SPRR2G: variants seen among roughly 807,000 people sequenced by gnomAD.
The protein encoded by SPRR2G is small proline rich protein 2G, also known as small proline-rich protein 2G.
In SPRR2G, 1 loss-of-function variant was observed where a neutral mutation model predicts 0.7. The observed-to-expected ratio is 1.49, with a 90% CI of 0.53 to 7.06. SPRR2G has a LOEUF of 7.06. SPRR2G is among the 30% of genes most tolerant of loss of function. The probability of loss-of-function intolerance (pLI) is 0.14; values close to 1 mark genes in which losing one functional copy is unlikely to be tolerated. For missense variants in SPRR2G, 96 were observed against 88.5 expected, an observed-to-expected ratio of 1.09 and a Z score of -0.34; for synonymous variants, 38 against 33.9, an observed-to-expected ratio of 1.12 and a Z score of -0.42.
the SPRR2G span, among the ~76,000 whole-genome samples, chr1:153,169,236 A>G: frequency 1.0e-3 from 157 of 152,084 alleles, no homozygotes; most frequent in African/African-American, 3.4e-3. Context: ...TTGCCTTTGA[A>G]CACAACAGTA....
chr1:153,152,402 C>G (rs1656490745), upstream of SPRR2G, among the ~76,000 whole-genome samples: 1 of 152,104 alleles, frequency 6.6e-6, no homozygotes, highest in Non-Finnish European at 1.5e-5. Flanking sequence ...TTGCCTTGTG[C>G]TCTTTACCCA....
At chr1:153,189,531 A>C in the SPRR2G span, among the ~76,000 whole-genome samples, 8 of 152,152 alleles carry the variant, frequency 5.3e-5, no homozygotes, top group Admixed American at 3.9e-4. Flanking sequence ...TACTTCATAG[A>C]ACCATAGAAA....
chr1:153,162,547 A>T, the SPRR2G span, among the ~76,000 whole-genome samples: 2 of 152,152 alleles, frequency 1.3e-5, no homozygotes, highest in Non-Finnish European at 2.9e-5. Flanking sequence ...GGCTGGGGAA[A>T]CAGACAGAAT....
the SPRR2G span, among the ~76,000 whole-genome samples, chr1:153,197,652 G>A: frequency 3.9e-5 from 6 of 152,278 alleles, no homozygotes; most frequent in African/African-American, 7.2e-5. Context: ...ATTGCCCCCC[G>A]GCAGAACAGG....
the SPRR2G span, among the ~76,000 whole-genome samples, chr1:153,184,903 T>G: frequency 6.6e-6 from 1 of 152,208 alleles, no homozygotes; most frequent in East Asian, 1.9e-4. Context: ...TATTGAGTGT[T>G]TTTATCGTGA....
At chr1:153,200,740 C>T in the SPRR2G span, among the ~76,000 whole-genome samples, 2 of 148,820 alleles carry the variant, frequency 1.3e-5, no homozygotes, top group South Asian at 2.1e-4. Context: ...CACTCTATTG[C>T]CCAGGCTGGA....
At chr1:153,160,143 T>C in the SPRR2G span, among the ~76,000 whole-genome samples, 1 of 152,248 alleles carries the variant, frequency 6.6e-6, no homozygotes, top group African/African-American at 2.4e-5. Context: ...CTTCACATAA[T>C]AGAATCATGC....
chr1:153,198,290 A>C, the SPRR2G span, among the ~76,000 whole-genome samples: 1 of 152,222 alleles, frequency 6.6e-6, no homozygotes, highest in African/African-American at 2.4e-5. Context: ...GATTAGTAAG[A>C]GTTTTGTTGA....
At chr1:153,184,754 G>A in the SPRR2G span, among the ~76,000 whole-genome samples, 6 of 152,266 alleles carry the variant, frequency 3.9e-5, no homozygotes, top group South Asian at 2.1e-4. Context: ...AAATAGGAGC[G>A]GTGAGAGAGG....
At chr1:153,194,508 G>A in the SPRR2G span, among the ~76,000 whole-genome samples, 5 of 152,096 alleles carry the variant, frequency 3.3e-5, no homozygotes, top group Admixed American at 1.3e-4. Flanking sequence ...CCACCCACAC[G>A]TGCTGCTCCC....
chr1:153,159,648 G>A, the SPRR2G span, among the ~76,000 whole-genome samples: 2 of 152,162 alleles, frequency 1.3e-5, no homozygotes, highest in Non-Finnish European at 2.9e-5. Context: ...CTGAAACTGG[G>A]TAAAAAGAAA....
the SPRR2G span, among the ~76,000 whole-genome samples, chr1:153,197,641 C>T: frequency 2.0e-5 from 3 of 152,176 alleles, no homozygotes; most frequent in Admixed American, 6.5e-5. Flanking sequence ...CAGAAGACAG[C>T]ATTGCCCCCC....
chr1:153,174,101 A>G, the SPRR2G span, among the ~76,000 whole-genome samples: 6 of 152,176 alleles, frequency 3.9e-5, no homozygotes, highest in South Asian at 1.2e-3. Flanking sequence ...GTTTGGCATA[A>G]CCCATATGTA....
At chr1:153,200,934 C>G in the SPRR2G span, among the ~76,000 whole-genome samples, 1 of 152,148 alleles carries the variant, frequency 6.6e-6, no homozygotes, top group Non-Finnish European at 1.5e-5. Context: ...TCTCAAACTC[C>G]TGACCTCGTG....
Position 153,149,930 on chromosome 1 carries a change from A to C in SPRR2G, c.181T>G (p.Tyr61Asp). 3.1e-6 allele frequency: 5 copies of C among 1,614,006 alleles called. No homozygotes were observed. The highest frequency in any genetic ancestry group is 4.2e-6 in the Non-Finnish European group (5 of 1,180,012). The part of the protein sequence containing the change: ...CQDKCPPVQP[Y>D]PPCQQKYPPK... The stretch of plus-strand genomic sequence containing the variant: ...GGATACTTCTGCTGGCAGGGTGGGT[A>C]TGGTTGCACAGGAGGGCATTTATCC... Residue 61 changes from tyrosine (Y) to aspartate (D), a missense_variant, in exon 2 of 2, where the codon TAC becomes GAC. Tyr to Asp is a radical substitution (Grantham distance 160). Coordinates refer to ENST00000368748, the MANE Select transcript of SPRR2G (RefSeq NM_001014291.4).
the SPRR2G span, among the ~76,000 whole-genome samples, chr1:153,202,265 G>A: frequency 6.6e-6 from 1 of 152,162 alleles, no homozygotes; most frequent in Non-Finnish European, 1.5e-5. Context: ...GTAGCATGAA[G>A]AGATAACTTC....
intron 1 of SPRR2G, among the ~76,000 whole-genome samples, chr1:153,150,603 C>G (rs1656446851): frequency 6.6e-6 from 1 of 152,160 alleles, no homozygotes; most frequent in African/African-American, 2.4e-5. Flanking sequence ...AGATGTGAAG[C>G]AGGAGACAGA....
At chr1:153,199,180 A>G in the SPRR2G span, among the ~76,000 whole-genome samples, 1 of 152,178 alleles carries the variant, frequency 6.6e-6, no homozygotes, top group Non-Finnish European at 1.5e-5. Flanking sequence ...AAAGGGGAGG[A>G]TGTATATCTG....
the SPRR2G span, among the ~76,000 whole-genome samples, chr1:153,166,594 T>A: frequency 6.6e-6 from 1 of 152,168 alleles, no homozygotes; most frequent in East Asian, 1.9e-4. Context: ...ATTGGGCCTC[T>A]GGACAGCAGA....
Sources: gnomAD v4.1 joint callset for allele counts (sites outside exome capture counted in the v4.1 genomes callset) on GRCh38, gnomAD v4.1.1 for gene constraint, MANE v1.5 for transcripts, NCBI Gene and HGNC (gene_info 2026-07-23, HGNC 2026-07-21) for gene names.